The following CNTN5 variants were observed in gnomAD, a reference collection of about 807,000 sequenced individuals.
CNTN5 encodes contactin 5.
Under a neutral mutation model 129.1 loss-of-function variants are expected in CNTN5, and 77 were observed. That is an observed-to-expected ratio of 0.60 (90% CI 0.50 to 0.72). CNTN5 has a LOEUF of 0.72. CNTN5 is among the 30% of genes least tolerant of loss of function. The probability of loss-of-function intolerance (pLI) is 0.00; values close to 1 mark genes in which losing one functional copy is unlikely to be tolerated. For synonymous variants in CNTN5, 509 were observed against 465.6 expected, an observed-to-expected ratio of 1.09 and a Z score of -1.20; for missense variants, 1,478 against 1,328.8, an observed-to-expected ratio of 1.11 and a Z score of -1.75.
At chr11:99,648,644 A>G (rs1015509847) in intron 3 of CNTN5, among the ~76,000 whole-genome samples, 7 of 151,954 alleles carry the variant, frequency 4.6e-5, no homozygotes, top group African/African-American at 7.2e-5. Context: ...CACAATAGCC[A>G]AAATATGGAA....
intron 1 of CNTN5, among the ~76,000 whole-genome samples, chr11:99,208,680 C>A (rs1591360914): frequency 6.6e-6 from 1 of 152,132 alleles, no homozygotes; most frequent in East Asian, 1.9e-4. Context: ...TCTCAGTTTT[C>A]AAATTTTCAA....
intron 2 of CNTN5, among the ~76,000 whole-genome samples, chr11:99,382,483 T>A (rs935501655): frequency 6.6e-6 from 1 of 152,190 alleles, no homozygotes; most frequent in Non-Finnish European, 1.5e-5. Context: ...CAGCCTCCAA[T>A]TTAAAATGTG....
chr11:99,612,682 T>A (rs1474208926), intron 3 of CNTN5, among the ~76,000 whole-genome samples: 2 of 152,240 alleles, frequency 1.3e-5, no homozygotes, highest in African/African-American at 4.8e-5. Context: ...ACAGGCATTA[T>A]CATTTATTAA....
chr11:99,974,229 A>G (rs543246329), intron 8 of CNTN5, among the ~76,000 whole-genome samples: 2 of 152,322 alleles, frequency 1.3e-5, no homozygotes, highest in East Asian at 1.9e-4. Context: ...TGTGATTTAG[A>G]CAGGCAGCAA....
intron 21 of CNTN5, among the ~76,000 whole-genome samples, chr11:100,340,092 T>G (rs1952127450): frequency 6.6e-6 from 1 of 152,188 alleles, no homozygotes. Flanking sequence ...ATAATTCATT[T>G]GAAGTTTCAT....
intron 16 of CNTN5, among the ~76,000 whole-genome samples, chr11:100,231,524 G>C (rs1350215543): frequency 6.6e-6 from 1 of 152,172 alleles, no homozygotes; most frequent in East Asian, 1.9e-4. Flanking sequence ...ACTCTAGTTA[G>C]TTAGACTAAC....
chr11:100,264,991 G>A (rs919481034), intron 17 of CNTN5, among the ~76,000 whole-genome samples: 2 of 152,066 alleles, frequency 1.3e-5, no homozygotes, highest in Admixed American at 1.3e-4. Flanking sequence ...AAGTGATGTT[G>A]TGGGGTTTTT....
At chr11:99,498,675 C>T (rs1946318931) in intron 2 of CNTN5, among the ~76,000 whole-genome samples, 1 of 152,166 alleles carries the variant, frequency 6.6e-6, no homozygotes, top group African/African-American at 2.4e-5. Context: ...CATTATATCT[C>T]ATACCTGTGT....
At chr11:99,769,309 T>TAGTAAGAAAGATACCA (rs1944864435) in intron 3 of CNTN5, among the ~76,000 whole-genome samples, 1 of 152,174 alleles carries the variant, frequency 6.6e-6, no homozygotes, top group African/African-American at 2.4e-5. Flanking sequence ...ATTCCTAGTT[T>TAGTAAGAAAGATACCA]AGTAAGAAAG....
At chr11:99,116,037 T>A (rs1858029696) in intron 1 of CNTN5, among the ~76,000 whole-genome samples, 1 of 152,216 alleles carries the variant, frequency 6.6e-6, no homozygotes, top group African/African-American at 2.4e-5. Context: ...TTTTGCTAAC[T>A]TTTTCAGACA....
At chr11:99,211,242 T>C (rs905007006) in intron 1 of CNTN5, among the ~76,000 whole-genome samples, 2 of 152,154 alleles carry the variant, frequency 1.3e-5, no homozygotes, top group African/African-American at 4.8e-5. Flanking sequence ...TTTAGTCACT[T>C]GTTTTGTTTT....
At chr11:99,688,304 A>C (rs1225401404) in intron 3 of CNTN5, among the ~76,000 whole-genome samples, 1 of 152,190 alleles carries the variant, frequency 6.6e-6, no homozygotes. Flanking sequence ...GGTCTCCCAA[A>C]GTGCTGGGAT....
chr11:100,018,721 ATG>A (rs763682591), intron 9 of CNTN5, among the ~76,000 whole-genome samples: 14 of 152,016 alleles, frequency 9.2e-5, no homozygotes, highest in Non-Finnish European at 1.6e-4. Flanking sequence ...TGGTAGGAGT[ATG>A]TGTAGCTATT....
rs542452557 is a variant in CNTN5, at chr11:99,671,126, CTT to C, written c.55+114858_55+114859del. ...GCTCGCTCGCTCTTGCTCTCTCTCT[CTT>C]GGCTTCCCATGTAGATTGAGTTTTT... On this transcript the variant is annotated intron_variant, in intron 3 of 24. Coordinates refer to ENST00000524871, the MANE Select transcript of CNTN5 (RefSeq NM_014361.4). Among the ~76,000 whole-genome samples the C allele has an allele frequency of 9.0e-4, 132 of 146,614 alleles. 3 individuals carry two copies. The South Asian group carries it at 0.014, about 15-fold the overall frequency.
At chr11:99,726,662 A>G (rs866979108) in intron 3 of CNTN5, among the ~76,000 whole-genome samples, 26 of 152,226 alleles carry the variant, frequency 1.7e-4, no homozygotes, top group African/African-American at 4.3e-4. Flanking sequence ...ACATATGACA[A>G]TTCTACAATA....
intron 3 of CNTN5, among the ~76,000 whole-genome samples, chr11:99,666,510 T>A (rs1012620993): frequency 6.6e-6 from 1 of 152,166 alleles, no homozygotes; most frequent in African/African-American, 2.4e-5. Context: ...AGGTCCTTTT[T>A]ATGTCTGGGA....
rs530522479 is a variant in CNTN5 at position 99,831,083 on chromosome 11, A to C, written c.277+11318A>C. Among the ~76,000 whole-genome samples, 7 of 152,284 alleles carry C rather than the reference A, an allele frequency of 4.6e-5. No homozygotes were observed. In the South Asian group the frequency reaches 1.5e-3, roughly 32 times the overall value. On this transcript the variant is annotated intron_variant, in intron 4 of 24. Coordinates refer to ENST00000524871, the MANE Select transcript of CNTN5 (RefSeq NM_014361.4). ...GACCTATTGGTTTGGCATCCTGTGA[A>C]TCTTAGGTTGGTGTAAATGGAATTG... is the stretch of plus-strand genomic sequence containing the variant.
chr11:99,760,180 A>G (rs994857931), intron 3 of CNTN5, among the ~76,000 whole-genome samples: 25 of 152,166 alleles, frequency 1.6e-4, no homozygotes, highest in African/African-American at 6.0e-4. Context: ...AGGTGGTGTG[A>G]AGTGTCAGAG....
At chr11:100,034,619 C>T (rs934410467) in intron 9 of CNTN5, among the ~76,000 whole-genome samples, 9 of 152,128 alleles carry the variant, frequency 5.9e-5, no homozygotes, top group African/African-American at 1.4e-4. Flanking sequence ...CCTGTTTTCA[C>T]GAAACAGGTT....
Sources: gnomAD v4.1 joint callset for allele counts (sites outside exome capture counted in the v4.1 genomes callset) on GRCh38, gnomAD v4.1.1 for gene constraint, MANE v1.5 for transcripts, NCBI Gene and HGNC (gene_info 2026-07-23, HGNC 2026-07-21) for gene names.